MAD1L1: variants seen among roughly 807,000 people sequenced by gnomAD.
The protein encoded by MAD1L1 is mitotic spindle assembly checkpoint protein MAD1.
MAD1L1 carries 95 observed loss-of-function variants against 96.9 expected under a neutral mutation model. That is an observed-to-expected ratio of 0.98 (90% CI 0.83 to 1.16). The LOEUF (loss-of-function observed/expected upper bound fraction) is 1.16. Among genes scored for constraint, MAD1L1 ranks in the 50% most tolerant of loss-of-function variants. The pLI, the probability that MAD1L1 is intolerant of heterozygous loss-of-function variation, is 0.00. For synonymous variants in MAD1L1, 473 were observed against 396.6 expected (o/e 1.19, Z -2.29); for missense variants, 1,007 against 954.4 (o/e 1.06, Z -0.73).
chr7:2,036,749 G>T (rs73047048), intron 12 of MAD1L1, among the ~76,000 whole-genome samples: 5,198 of 152,208 alleles, frequency 0.034, 189 homozygotes, highest in Admixed American at 0.095. Context: ...GATCAGAGGT[G>T]CTGTAAAGAC....
intron 16 of MAD1L1, 83 bp downstream of exon 16, chr7:1,957,546 C>T: frequency 7.4e-7 from 1 of 1,346,712 alleles, no homozygotes; most frequent in Non-Finnish European, 1.0e-6. Context: ...TGTTCTGTGG[C>T]AGCAGGAACC....
chr7:2,163,284 C>T (rs1019862468), intron 10 of MAD1L1, among the ~76,000 whole-genome samples: 26 of 152,046 alleles, frequency 1.7e-4, no homozygotes, highest in African/African-American at 5.1e-4. Flanking sequence ...GGGTTGGGGG[C>T]GTAATGGGAT....
rs548290055 is a variant in MAD1L1, at chr7:1,868,254, G to A, written c.1998+29946C>T. Among the ~76,000 whole-genome samples, 170 of 152,314 alleles carry A rather than the reference G, an allele frequency of 1.1e-3. 2 individuals carry two copies. The highest frequency in any genetic ancestry group is 3.7e-3 in the African/African-American group (152 of 41,568). ...AGCCAAGCCCCACCTGCTGATAACC[G>A]AAATCAGTTAGAACTTTCTGGATTT... On this transcript the variant is annotated intron_variant, in intron 18 of 18. Transcript: ENST00000265854.
chr7:1,988,470 C>A (rs550732726), intron 14 of MAD1L1, among the ~76,000 whole-genome samples: 1 of 152,258 alleles, frequency 6.6e-6, no homozygotes, highest in Non-Finnish European at 1.5e-5. Context: ...GCAGGGAAGC[C>A]CTCCAAAGCC....
intron 3 of MAD1L1, 84 bp from the exon 4 acceptor site, chr7:2,225,634 C>T: frequency 1.1e-5 from 15 of 1,427,428 alleles, no homozygotes; most frequent in Non-Finnish European, 1.3e-5. Context: ...CAGACACACT[C>T]CCTGAGGACC....
intron 18 of MAD1L1, among the ~76,000 whole-genome samples, chr7:1,822,296 TGAAAG>T (rs1484408259): frequency 6.6e-6 from 1 of 151,944 alleles, no homozygotes; most frequent in Admixed American, 6.6e-5. Context: ...GAAATACTGA[TGAAAG>T]GAATCGAAAG....
At chr7:2,161,299 G>C (rs915453116) in intron 10 of MAD1L1, among the ~76,000 whole-genome samples, 1 of 151,880 alleles carries the variant, frequency 6.6e-6, no homozygotes, top group Admixed American at 6.6e-5. Context: ...GTGGAGACGG[G>C]GTTTCGCTGT....
chr7:1,823,492 C>T (rs374494953), intron 18 of MAD1L1, among the ~76,000 whole-genome samples: 12 of 152,274 alleles, frequency 7.9e-5, no homozygotes, highest in African/African-American at 2.9e-4. Flanking sequence ...GTCTCCCTGC[C>T]CATCTCTCCT....
At chr7:1,942,027 C>T (rs1238810490) in intron 16 of MAD1L1, among the ~76,000 whole-genome samples, 1 of 152,216 alleles carries the variant, frequency 6.6e-6, no homozygotes, top group Non-Finnish European at 1.5e-5. Flanking sequence ...GCTCACGTCC[C>T]CACCGTGATT....
intron 10 of MAD1L1, among the ~76,000 whole-genome samples, chr7:2,191,176 T>A (rs995144886): frequency 6.6e-6 from 1 of 152,180 alleles, no homozygotes; most frequent in Non-Finnish European, 1.5e-5. Flanking sequence ...AATGACTGCA[T>A]GACGTATGAT....
At chr7:2,210,238 A>G (rs1469068431) in intron 10 of MAD1L1, among the ~76,000 whole-genome samples, 2 of 152,074 alleles carry the variant, frequency 1.3e-5, no homozygotes, top group Non-Finnish European at 2.9e-5. Flanking sequence ...GAGCACCGCT[A>G]ATTTTTGTTT....
intron 11 of MAD1L1, among the ~76,000 whole-genome samples, chr7:2,139,877 A>G (rs1413788141): frequency 3.3e-5 from 5 of 152,242 alleles, no homozygotes; most frequent in Non-Finnish European, 5.9e-5. Flanking sequence ...AATATTAAAA[A>G]GTAACAATAC....
At chr7:1,988,985 G>A (rs1346826459) in intron 14 of MAD1L1, among the ~76,000 whole-genome samples, 2 of 152,240 alleles carry the variant, frequency 1.3e-5, no homozygotes, top group African/African-American at 4.8e-5. Flanking sequence ...CTGCCTCACA[G>A]GAGCCCCTTA....
At chr7:1,838,955 T>C (rs1172470204) in intron 18 of MAD1L1, 1 of 390,126 alleles carries the variant, frequency 2.6e-6, no homozygotes, top group Non-Finnish European at 5.3e-6. Flanking sequence ...CGCCGGGCTC[T>C]GGGAGGTCAG....
At chr7:2,162,651 C>T (rs1424837075) in intron 10 of MAD1L1, among the ~76,000 whole-genome samples, 2 of 129,784 alleles carry the variant, frequency 1.5e-5, no homozygotes, top group Non-Finnish European at 3.3e-5. Flanking sequence ...AAAAAAAATC[C>T]ATTAAAAGAG....
intron 13 of MAD1L1, among the ~76,000 whole-genome samples, chr7:2,003,157 G>A (rs1214010232): frequency 2.0e-5 from 3 of 152,204 alleles, no homozygotes; most frequent in Non-Finnish European, 2.9e-5. Context: ...CAGGCCTGAG[G>A]GTGAGGGAGA....
chr7:1,909,095 G>C (rs940094196), intron 17 of MAD1L1, among the ~76,000 whole-genome samples: 7 of 152,250 alleles, frequency 4.6e-5, no homozygotes, highest in African/African-American at 1.7e-4. Context: ...ACTCGGAGCA[G>C]CGGGACCAGC....
chr7:1,847,221 A>C (rs1239951108), intron 18 of MAD1L1: 1 of 469,724 alleles, frequency 2.1e-6, no homozygotes, highest in East Asian at 6.9e-5. Flanking sequence ...CATCTTTTCC[A>C]ACTGACGCTT....
intron 12 of MAD1L1, among the ~76,000 whole-genome samples, chr7:2,028,547 C>T (rs2128505190): frequency 6.6e-6 from 1 of 152,088 alleles, no homozygotes; most frequent in East Asian, 1.9e-4. Context: ...AAAACTCTAG[C>T]AAGTCCACTG....
Sources: allele counts gnomAD v4.1 joint callset (sites outside exome capture counted in the v4.1 genomes callset), GRCh38; gene constraint gnomAD v4.1.1; transcripts MANE v1.5; gene names NCBI Gene and HGNC (gene_info 2026-07-23, HGNC 2026-07-21).